Variants in MAPKAP1 observed in about 807,000 individuals in gnomAD.
MAPKAP1 encodes the protein target of rapamycin complex 2 subunit MAPKAP1.
A neutral mutation model predicts 65.7 loss-of-function variants in MAPKAP1; 20 were observed. The ratio of observed to expected loss-of-function variants is 0.30; its 90% confidence interval spans 0.21 to 0.44. The LOEUF (loss-of-function observed/expected upper bound fraction) is 0.44. Among genes scored for constraint, MAPKAP1 ranks in the 20% least tolerant of loss-of-function variants. The pLI is 1.00. For synonymous variants in MAPKAP1, 222 were observed against 244.3 expected (o/e 0.91, Z 0.85); for missense variants, 423 against 648.0 (o/e 0.65, Z 3.77).
rs1835312174 is a variant in MAPKAP1 at position 125,694,043 on chromosome 9, T to C, written c.-70+12928A>G. ...ATTTTTTTTTAATTTTTAAAAATTT[T>C]TTAGGTTGGGCACGGTGGCTCATGC... On this transcript the variant is annotated intron_variant, in intron 1 of 11. Transcript: ENST00000265960. Among the ~76,000 whole-genome samples the C allele has an allele frequency of 2.0e-5, 3 of 151,930 alleles. No individual in the cohort carries two copies. In the South Asian group the frequency reaches 6.2e-4, roughly 32 times the overall value.
At chr9:125,693,792 T>TACACATAC (rs1835292535) in intron 1 of MAPKAP1, among the ~76,000 whole-genome samples, 1 of 145,936 alleles carries the variant, frequency 6.9e-6, no homozygotes, top group Non-Finnish European at 1.5e-5. Context: ...CGTATATATA[T>TACACATAC]ACACACATAT....
At chr9:125,460,617 CAG>C (rs1464364428) in intron 10 of MAPKAP1, among the ~76,000 whole-genome samples, 3 of 152,188 alleles carry the variant, frequency 2.0e-5, no homozygotes, top group Non-Finnish European at 4.4e-5. Flanking sequence ...CTCCGAAATT[CAG>C]AGTGTTGATC....
chr9:125,628,151 G>A (rs913098606), intron 4 of MAPKAP1, among the ~76,000 whole-genome samples: 1 of 152,200 alleles, frequency 6.6e-6, no homozygotes, highest in Non-Finnish European at 1.5e-5. Context: ...GCTTGTGGTA[G>A]TGAACTTGTA....
chr9:125,636,418 A>AGG (rs1833426115), intron 4 of MAPKAP1, among the ~76,000 whole-genome samples: 1 of 152,248 alleles, frequency 6.6e-6, no homozygotes, highest in African/African-American at 2.4e-5. Flanking sequence ...ATATCAAGAT[A>AGG]CAATAGAGAC....
chr9:125,497,083 C>A (rs1185369376), intron 8 of MAPKAP1, among the ~76,000 whole-genome samples: 1 of 152,064 alleles, frequency 6.6e-6, no homozygotes, highest in African/African-American at 2.4e-5. Context: ...ATCTGGGCAG[C>A]TCCTAGGAGT....
chr9:125,583,834 C>T (rs563711562), intron 5 of MAPKAP1, among the ~76,000 whole-genome samples: 58 of 152,228 alleles, frequency 3.8e-4, no homozygotes, highest in African/African-American at 1.3e-3. Context: ...GAGGCCGAGG[C>T]GGGTGGATCA....
At chr9:125,540,608 T>A (rs1830216225) in intron 7 of MAPKAP1, among the ~76,000 whole-genome samples, 1 of 152,206 alleles carries the variant, frequency 6.6e-6, no homozygotes, top group Admixed American at 6.5e-5. Flanking sequence ...ACGACAGGGA[T>A]GATCACTCTA....
chr9:125,466,456 T>C (rs1853682645), intron 10 of MAPKAP1, among the ~76,000 whole-genome samples: 1 of 152,356 alleles, frequency 6.6e-6, no homozygotes, highest in East Asian at 1.9e-4. Flanking sequence ...CTCTAGCTTA[T>C]CCCTTTATGC....
intron 1 of MAPKAP1, among the ~76,000 whole-genome samples, chr9:125,702,490 C>T (rs371729737): frequency 2.0e-4 from 30 of 150,910 alleles, no homozygotes; most frequent in African/African-American, 4.6e-4. Flanking sequence ...GTCAAGATCG[C>T]GCCATTGCAC....
intron 10 of MAPKAP1, among the ~76,000 whole-genome samples, chr9:125,452,128 C>T (rs1261996685): frequency 3.3e-5 from 5 of 151,298 alleles, no homozygotes; most frequent in Admixed American, 3.3e-4. Flanking sequence ...GAGACAGAGT[C>T]TTCCTCTGTC....
chr9:125,588,186 GGATA>G (rs1341741927), intron 4 of MAPKAP1, among the ~76,000 whole-genome samples: 2 of 152,032 alleles, frequency 1.3e-5, no homozygotes, highest in Non-Finnish European at 2.9e-5. Flanking sequence ...ACTAATGAAT[GGATA>G]AACAAAATCC....
At chr9:125,666,385 G>A (rs1232777999) in intron 3 of MAPKAP1, among the ~76,000 whole-genome samples, 4 of 152,212 alleles carry the variant, frequency 2.6e-5, no homozygotes, top group Non-Finnish European at 5.9e-5. Context: ...AATTGTGGAA[G>A]AAGAATACTT....
chr9:125,598,123 T>C (rs1832194337), intron 4 of MAPKAP1, among the ~76,000 whole-genome samples: 1 of 151,836 alleles, frequency 6.6e-6, no homozygotes, highest in Non-Finnish European at 1.5e-5. Flanking sequence ...TTGATCTTAA[T>C]AAAATTCTGG....
intron 8 of MAPKAP1, among the ~76,000 whole-genome samples, chr9:125,484,789 G>A (rs1435297742): frequency 6.6e-6 from 1 of 152,120 alleles, no homozygotes; most frequent in African/African-American, 2.4e-5. Context: ...CAAACACTAT[G>A]GCAGGTCCTT....
intron 9 of MAPKAP1, chr9:125,471,926 C>G (rs924552149): frequency 2.0e-5 from 3 of 152,248 alleles, no homozygotes; most frequent in Admixed American, 6.5e-5. Context: ...ACATTAACTG[C>G]CATCAACAAT....
chr9:125,620,295 GA>G (rs200477369), intron 4 of MAPKAP1, among the ~76,000 whole-genome samples: 20 of 149,662 alleles, frequency 1.3e-4, no homozygotes, highest in South Asian at 8.4e-4. Flanking sequence ...ATGACAGAGC[GA>G]AAAAAAAAAT....
chr9:125,614,645 A>C (rs1564583316), intron 4 of MAPKAP1, among the ~76,000 whole-genome samples: 2 of 152,160 alleles, frequency 1.3e-5, no homozygotes, highest in Non-Finnish European at 2.9e-5. Flanking sequence ...TAATAATAAT[A>C]ATCATATTAA....
At chr9:125,684,491 A>G (rs574697780) in intron 1 of MAPKAP1, among the ~76,000 whole-genome samples, 92 of 152,196 alleles carry the variant, frequency 6.0e-4, no homozygotes, top group Non-Finnish European at 1.0e-3. Context: ...AATTTGTGGT[A>G]ATTTTCAACT....
At chr9:125,463,263 C>T (rs1046829498) in intron 10 of MAPKAP1, among the ~76,000 whole-genome samples, 1 of 152,242 alleles carries the variant, frequency 6.6e-6, no homozygotes, top group African/African-American at 2.4e-5. Flanking sequence ...AATTCAATTA[C>T]AGCCTGGACT....
Sources: gnomAD v4.1 joint callset for allele counts (sites outside exome capture counted in the v4.1 genomes callset) on GRCh38, gnomAD v4.1.1 for gene constraint, MANE v1.5 for transcripts, NCBI Gene and HGNC (gene_info 2026-07-23, HGNC 2026-07-21) for gene names.